Variants in CEP95 observed in about 807,000 individuals in gnomAD.
CEP95 encodes centrosomal protein 95.
In CEP95, 98 loss-of-function variants were observed where a neutral mutation model predicts 111.2. The observed-to-expected ratio is 0.88, with a 90% CI of 0.75 to 1.04. The LOEUF is 1.04. Among genes scored for constraint, CEP95 ranks in the 50% least tolerant of loss-of-function variants. CEP95 has a pLI of 0.00. For missense variants in CEP95, 1,027 were observed against 977.2 expected (o/e 1.05, Z -0.68); for synonymous variants, 323 against 327.1 (o/e 0.99, Z 0.14).
rs1259774273 is a variant in CEP95 at position 64,507,069 on chromosome 17, G to A, written c.-29G>A. ...ACACCGTCGCCTTCCCGGCCGCGTC[G>A]GAGTCCGGCGGCGACCTGCCTCTGA... On this transcript the variant is annotated 5_prime_UTR_variant, in exon 1 of 20. Transcript: ENST00000556440. The A allele has an allele frequency of 2.6e-6, 4 of 1,550,600 alleles. No homozygotes were observed. In the African/African-American group the frequency reaches 4.1e-5, roughly 16 times the overall value.
In CEP95 at chr17:64,521,496, G is replaced by T; in HGVS notation, c.684G>T (p.Leu228Phe). 1 of 1,612,102 alleles carries T rather than the reference G, an allele frequency of 6.2e-7. No individual in the cohort carries two copies. Among genetic ancestry groups the T allele is most frequent in the Non-Finnish European group, 8.5e-7 (1 of 1,178,920 alleles). Residue 228 changes from leucine (L) to phenylalanine (F), a missense_variant, in exon 7 of 20, where the codon TTG (leucine) becomes TTT (phenylalanine). Leu to Phe is a conservative substitution (Grantham distance 22). Transcript: ENST00000556440. ...HEDMLYPPSV[L>F]SKSRTSFVED... The stretch of plus-strand genomic sequence containing the variant: ...ATATGTTGTACCCTCCTAGTGTTTT[G>T]TCCAAGAGTAGGACATCCTTTGTTG...
intron 16 of CEP95, 81 bp from the exon 17 acceptor site, chr17:64,534,504 G>A: frequency 2.4e-6 from 3 of 1,272,018 alleles, no homozygotes; most frequent in Non-Finnish European, 3.4e-6. Flanking sequence ...CATCGTGATG[G>A]GGAGTGAGGC....
Position 64,533,023 on chromosome 17 carries a change from G to T in CEP95, c.1842+15G>T. ...TCCAAGATGAAGTAAGTTACTGTCA[G>T]TCTTAAGCATAGGAATTTAAATGAG... On this transcript the variant is annotated intron_variant, in intron 15 of 19. Coordinates refer to ENST00000556440, the MANE Select transcript of CEP95 (RefSeq NM_138363.3). 6.2e-7 allele frequency: 1 copy of T among 1,608,464 alleles called. No homozygotes were observed. The highest frequency in any genetic ancestry group is 8.5e-7 in the Non-Finnish European group (1 of 1,178,482).
chr17:64,522,061 C>G (rs1317443870), intron 7 of CEP95, among the ~76,000 whole-genome samples: 3 of 152,158 alleles, frequency 2.0e-5, no homozygotes, highest in South Asian at 4.2e-4. Flanking sequence ...CCATGTTGGC[C>G]AGGCTGGTCT....
chr17:64,537,182 A>G, intron 19 of CEP95, 70 bp downstream of exon 19: 10 of 1,570,448 alleles, frequency 6.4e-6, no homozygotes, highest in Middle Eastern at 1.7e-4. Flanking sequence ...GACCTCGTAC[A>G]TTGGTGGTTG....
chr17:64,528,743 A>G (rs1244910988), intron 11 of CEP95, among the ~76,000 whole-genome samples: 9 of 152,212 alleles, frequency 5.9e-5, no homozygotes, highest in African/African-American at 1.9e-4. Flanking sequence ...AGACACACCT[A>G]TAGACAATGG....
intron 10 of CEP95, among the ~76,000 whole-genome samples, 177 bp downstream of exon 10, chr17:64,526,377 T>A (rs929186918): frequency 6.6e-6 from 1 of 152,228 alleles, no homozygotes; most frequent in Non-Finnish European, 1.5e-5. Context: ...CGTTTCATGA[T>A]CTAACTAAAT....
chr17:64,532,815 A>G, intron 14 of CEP95, 24 bp from the exon 15 acceptor site: 1 of 1,599,688 alleles, frequency 6.3e-7, no homozygotes, highest in Non-Finnish European at 8.5e-7. Context: ...TCTCAGATTA[A>G]GAACATCTTA....
intron 3 of CEP95, among the ~76,000 whole-genome samples, chr17:64,511,456 C>T (rs1349734676): frequency 6.6e-6 from 1 of 152,168 alleles, no homozygotes; most frequent in Non-Finnish European, 1.5e-5. Context: ...GATATTTCTC[C>T]CATTTGCTTT....
chr17:64,523,973 T>G (rs1366843333), intron 8 of CEP95, among the ~76,000 whole-genome samples: 2 of 152,218 alleles, frequency 1.3e-5, no homozygotes, highest in Non-Finnish European at 2.9e-5. Flanking sequence ...ACATTTTCAT[T>G]ATTTAAACAT....
intron 6 of CEP95, 120 bp downstream of exon 6, chr17:64,519,556 AATTCCAGAAT>A (rs2144413935): frequency 1.5e-6 from 1 of 679,468 alleles, no homozygotes; most frequent in South Asian, 2.1e-5. Flanking sequence ...TGGGATTTGA[AATTCCAGAAT>A]ATCCCACTAC....
At chr17:64,531,303 A>C (rs568767306) in intron 13 of CEP95, among the ~76,000 whole-genome samples, 21 of 152,358 alleles carry the variant, frequency 1.4e-4, no homozygotes, top group Admixed American at 4.6e-4. Context: ...CCAGGGGCTT[A>C]AAAACTACTC....
At chr17:64,524,797 C>T (rs1555678699) in intron 8 of CEP95, among the ~76,000 whole-genome samples, 1 of 150,642 alleles carries the variant, frequency 6.6e-6, no homozygotes, top group African/African-American at 2.4e-5. Flanking sequence ...ATGGTGAAAC[C>T]CTGTCTCTAC....
chr17:64,515,746 A>G (rs1486487757), intron 4 of CEP95: 2 of 152,210 alleles, frequency 1.3e-5, no homozygotes, highest in Admixed American at 6.5e-5. Context: ...TTACCTGGCA[A>G]TATTTCCTAG....
Position 64,529,463 on chromosome 17 carries a change from G to C in CEP95, c.1446+36G>C, listed in dbSNP as rs192356522. On this transcript the variant is annotated intron_variant, in intron 12 of 19. Coordinates refer to ENST00000556440, the MANE Select transcript of CEP95 (RefSeq NM_138363.3). ...ATCTCTTGACTACCATTAAGCAGCA[G>C]CCAGTACCATTTCCCCTCAGCCAGA... The C allele has an allele frequency of 7.5e-4, 1,199 of 1,605,290 alleles. 2 individuals are homozygous for C. Among genetic ancestry groups the C allele is most frequent in the Non-Finnish European group, 9.6e-4 (1,125 of 1,175,446 alleles).
At chr17:64,527,852 A>ATG (rs377056119) in intron 11 of CEP95, among the ~76,000 whole-genome samples, 1,483 of 133,132 alleles carry the variant, frequency 0.011, 8 homozygotes, top group East Asian at 0.029. Context: ...GTGCCACTTA[A>ATG]TGTGTGTGTG....
chr17:64,516,458 G>A (rs1555676293), intron 4 of CEP95, among the ~76,000 whole-genome samples: 1 of 152,134 alleles, frequency 6.6e-6, no homozygotes, highest in South Asian at 2.1e-4. Context: ...ATATTGAATG[G>A]ACCTGCCACT....
intron 11 of CEP95, among the ~76,000 whole-genome samples, chr17:64,527,866 G>GTA (rs1356812031): frequency 0.013 from 1,596 of 124,140 alleles, 34 homozygotes; most frequent in African/African-American, 0.047. Flanking sequence ...GTGTGTGTGT[G>GTA]TGTGTATATA....
At chr17:64,514,438 TC>T (rs782192060) in intron 4 of CEP95, 80 bp downstream of exon 4, 3 of 696,184 alleles carry the variant, frequency 4.3e-6, no homozygotes, top group Non-Finnish European at 7.8e-6. Context: ...TGTGTATTTT[TC>T]TTCATAGGAA....
Sources: allele counts gnomAD v4.1 joint callset (sites outside exome capture counted in the v4.1 genomes callset), GRCh38; gene constraint gnomAD v4.1.1; transcripts MANE v1.5; gene names NCBI Gene and HGNC (gene_info 2026-07-23, HGNC 2026-07-21).